The following STAT3 variants were observed in gnomAD, a reference collection of about 807,000 sequenced individuals.
The protein encoded by STAT3 is DNA-binding protein APRF.
A neutral mutation model predicts 114.3 loss-of-function variants in STAT3; 7 were observed. The ratio of observed to expected loss-of-function variants is 0.06; its 90% CI spans 0.03 to 0.11. The LOEUF (loss-of-function observed/expected upper bound fraction) is 0.11. Ranked by LOEUF, STAT3 falls within the 10% of genes least tolerant of loss-of-function variation. The pLI, the probability that STAT3 is intolerant of heterozygous loss-of-function variation, is 1.00. For synonymous variants in STAT3, 331 were observed against 354.5 expected, an observed-to-expected ratio of 0.93 and a Z score of 0.74; for missense variants, 364 against 960.9, an observed-to-expected ratio of 0.38 and a Z score of 8.21.
chr17:42,332,820 A>G (rs2082079432), intron 10 of STAT3, among the ~76,000 whole-genome samples: 1 of 151,844 alleles, frequency 6.6e-6, no homozygotes, highest in Non-Finnish European at 1.5e-5. Flanking sequence ...GCCTGGCCGA[A>G]AGAGCGAGAC....
rs778445506 is a variant in STAT3, at chr17:42,316,823, A to G, written c.2223T>C (p.Gly741=). The G allele has an allele frequency of 1.2e-5, 19 of 1,613,178 alleles. No homozygotes were observed. In the East Asian group the frequency reaches 4.0e-4, roughly 34 times the overall value. The part of the protein sequence containing the change: ...LDSLMQFGNN[G]EGAEPSAGGQ... ...CTCCTGCTGAGGGTTCAGCACCTTC[A>G]CCATTATTTCCAAACTGCATCAATG... Residue 741 remains glycine, a synonymous_variant, in exon 23 of 24, where the codon GGT becomes GGC. Coordinates refer to ENST00000264657, the MANE Select transcript of STAT3 (RefSeq NM_139276.3).
intron 1 of STAT3, 145 bp from the exon 2 acceptor site, chr17:42,348,684 AT>A: frequency 2.0e-6 from 2 of 994,910 alleles, no homozygotes; most frequent in Non-Finnish European, 2.9e-6. Flanking sequence ...CTCCCAGTTT[AT>A]TTTATTTTTA....
intron 10 of STAT3, among the ~76,000 whole-genome samples, chr17:42,332,700 G>A (rs543190130): frequency 4.7e-4 from 72 of 152,026 alleles, no homozygotes; most frequent in Non-Finnish European, 9.0e-4. Flanking sequence ...AAAATTAGCC[G>A]GGCATGGTGG....
rs1274469960 is a variant in STAT3 at position 42,314,852 on chromosome 17, T to C, written c.*893A>G. 1.7e-5 allele frequency: 2 copies of C among 116,204 alleles called. No individual in the cohort carries two copies. The highest frequency in any genetic ancestry group is 1.7e-5 in the Non-Finnish European group (1 of 57,450). 7.2% of individuals were successfully genotyped at this position (116,204 alleles called of 1,614,324 possible). On this transcript the variant is annotated 3_prime_UTR_variant, in exon 24 of 24. Transcript: ENST00000264657. ...CAAGGAGGCTGTTAACTGAAGTTTC[T>C]TTTTTTTTTTTTTTTTTTTGAGACA...
At chr17:42,382,831 A>T (rs1176435078) in intron 1 of STAT3, among the ~76,000 whole-genome samples, 1 of 151,572 alleles carries the variant, frequency 6.6e-6, no homozygotes, top group Non-Finnish European at 1.5e-5. Context: ...TATTTTTAGT[A>T]GAGGCGGAGT....
At chr17:42,354,650 T>C (rs888520110) in intron 1 of STAT3, among the ~76,000 whole-genome samples, 3 of 150,340 alleles carry the variant, frequency 2.0e-5, no homozygotes, top group Non-Finnish European at 4.4e-5. Context: ...CTACTAAAAA[T>C]TCAAAAATTA....
At chr17:42,331,619 A>T (rs983106216) in intron 10 of STAT3, 88 bp from the exon 11 acceptor site, 8 of 1,136,836 alleles carry the variant, frequency 7.0e-6, no homozygotes, top group Non-Finnish European at 7.8e-6. Context: ...ATAATTCTTC[A>T]TTTCCAACAG....
At chr17:42,369,401 G>GT (rs1264424621) in intron 1 of STAT3, among the ~76,000 whole-genome samples, 1 of 152,040 alleles carries the variant, frequency 6.6e-6, no homozygotes, top group Non-Finnish European at 1.5e-5. Context: ...TGATCTCGTT[G>GT]TTTTTTATGG....
rs397712608 is a variant in STAT3, at chr17:42,339,255, C to CAA, written c.468+57_468+58dup. On this transcript the variant is annotated intron_variant, in intron 5 of 23. Coordinates refer to ENST00000264657, the MANE Select transcript of STAT3 (RefSeq NM_139276.3). The stretch of plus-strand genomic sequence containing the variant: ...TGAGTGGCAGAGCAAGACCCTGTCT[C>CAA]AAAAAAAAAAAAAAAAATTAATGAA... 9,966 of 1,332,778 alleles carry CAA rather than the reference C, an allele frequency of 7.5e-3. 18 individuals carry two copies. Among genetic ancestry groups the CAA allele is most frequent in the African/African-American group, 0.034 (2,026 of 60,236 alleles). 82.6% of individuals were successfully genotyped at this position (1,332,778 alleles called of 1,614,324 possible). A position where few individuals can be genotyped will look rare whatever the true frequency, so the allele number is the denominator to read the frequency against.
intron 11 of STAT3, among the ~76,000 whole-genome samples, chr17:42,330,398 G>C (rs1197758366): frequency 6.7e-6 from 1 of 150,186 alleles, no homozygotes; most frequent in African/African-American, 2.4e-5. Flanking sequence ...TTACAGGCGT[G>C]AGCCACCGCG....
rs1340605333 is a variant in STAT3, at chr17:42,331,465, T to C, written c.1109+7A>G. ...TTGAAAAACAGAGCTAAGATAGGAG[T>C]ACTTACTTGTCAATGCACACTTTAA... On this transcript the variant is annotated splice_region_variant and intron_variant, in intron 11 of 23. Coordinates refer to ENST00000264657, the MANE Select transcript of STAT3 (RefSeq NM_139276.3). 2 of 1,611,218 alleles carry C rather than the reference T, an allele frequency of 1.2e-6. No homozygotes were observed. Among genetic ancestry groups the C allele is most frequent in the Non-Finnish European group, 1.7e-6 (2 of 1,177,560 alleles).
chr17:42,356,876 C>T (rs1405669304), intron 1 of STAT3, among the ~76,000 whole-genome samples: 1 of 152,206 alleles, frequency 6.6e-6, no homozygotes, highest in Non-Finnish European at 1.5e-5. Context: ...CAACCTCCAT[C>T]TCCTGAGTTC....
At chr17:42,342,099 GTGTGCTAACCTCT>G (rs1378574161) in intron 4 of STAT3, among the ~76,000 whole-genome samples, 1 of 152,148 alleles carries the variant, frequency 6.6e-6, no homozygotes, top group Non-Finnish European at 1.5e-5. Context: ...GCAAATGCCT[GTGTGCTAACCTCT>G]TGGGCTACAG....
intron 8 of STAT3, 143 bp from the exon 9 acceptor site, chr17:42,334,192 T>C (rs2082136171): frequency 6.3e-6 from 6 of 952,564 alleles, no homozygotes; most frequent in Non-Finnish European, 9.4e-6. Context: ...ATATATAGCA[T>C]GAAATTTACA....
rs1264560514 is a variant in STAT3 at position 42,337,611 on chromosome 17, A to T, written c.646-25T>A. ...TCTGGTTGGAAACCAAAACAAAGTC[A>T]GAAAACATTTCCTCAGACTGTCTCT... On this transcript the variant is annotated intron_variant, in intron 7 of 23. Transcript: ENST00000264657. This position sits in a 1 kb window ranked among gnomAD's most constrained non-coding sequence, Gnocchi z 4.0. 1 of 1,614,100 alleles carries T rather than the reference A, an allele frequency of 6.2e-7. No individual in the cohort carries two copies. Among genetic ancestry groups the T allele is most frequent in the African/African-American group, 1.3e-5 (1 of 74,942 alleles).
At chr17:42,323,411 C>T in intron 18 of STAT3, 57 bp from the exon 19 acceptor site, 1 of 1,593,528 alleles carries the variant, frequency 6.3e-7, no homozygotes, top group Non-Finnish European at 8.6e-7. Context: ...CCTTCCCTTC[C>T]TAGGGGTGCA....
intron 1 of STAT3, among the ~76,000 whole-genome samples, chr17:42,372,738 T>C (rs1329292124): frequency 1.3e-5 from 2 of 152,004 alleles, no homozygotes; most frequent in Non-Finnish European, 2.9e-5. Context: ...TTCCAACACT[T>C]TGGGAGACTG....
At chr17:42,339,450 A>G in intron 4 of STAT3, 41 bp from the exon 5 acceptor site, 3 of 1,597,360 alleles carry the variant, frequency 1.9e-6, no homozygotes, top group Non-Finnish European at 2.6e-6. Context: ...ACACAGAACT[A>G]TGGGGAGAGG....
At chr17:42,326,040 T>TA (rs2081703536) in intron 15 of STAT3, 76 bp downstream of exon 15, 2 of 1,307,710 alleles carry the variant, frequency 1.5e-6, no homozygotes, top group African/African-American at 2.9e-5. Context: ...CCTTCTCTTG[T>TA]AAAAATCCCA....
Sources: gnomAD v4.1 joint callset for allele counts (sites outside exome capture counted in the v4.1 genomes callset) on GRCh38, gnomAD v4.1.1 for gene constraint, Gnocchi (gnomAD v3.1) non-coding constraint, MANE v1.5 for transcripts, NCBI Gene and HGNC (gene_info 2026-07-23, HGNC 2026-07-21) for gene names.